The following PDE6A variants were observed in gnomAD, a reference collection of about 807,000 sequenced individuals.
PDE6A encodes rod cGMP-specific 3',5'-cyclic phosphodiesterase subunit alpha.
A neutral mutation model predicts 106.3 loss-of-function variants in PDE6A; 84 were observed. That is an observed-to-expected ratio of 0.79 (90% confidence interval 0.66 to 0.95). The LOEUF is 0.95. PDE6A is among the 40% of genes least tolerant of loss of function. PDE6A has a pLI of 0.00. For missense variants in PDE6A, 1,052 were observed against 1,084.9 expected, an observed-to-expected ratio of 0.97 and a Z score of 0.43; for synonymous variants, 394 against 386.6, an observed-to-expected ratio of 1.02 and a Z score of -0.23.
At chr5:149,938,955 C>G (rs1369355183) in intron 1 of PDE6A, among the ~76,000 whole-genome samples, 1 of 152,154 alleles carries the variant, frequency 6.6e-6, no homozygotes, top group Non-Finnish European at 1.5e-5. Context: ...TTGAGAGTAT[C>G]ACTTTTTGGT....
At chr5:149,898,595 G>A in intron 9 of PDE6A, 89 bp from the exon 10 acceptor site, 1 of 1,360,256 alleles carries the variant, frequency 7.4e-7, no homozygotes, top group Non-Finnish European at 1.0e-6. Flanking sequence ...CTAGGCCTCT[G>A]TTTTCTCAGC....
At chr5:149,870,877 GAGAA>G (rs10535051) in intron 17 of PDE6A, among the ~76,000 whole-genome samples, 4,615 of 132,914 alleles carry the variant, frequency 0.035, 99 homozygotes, top group Admixed American at 0.057. Flanking sequence ...GAGAAAGAAA[GAGAA>G]AGAAAGAAAA....
rs779341814 is a variant in PDE6A at position 149,899,421 on chromosome 5, C to T, written c.1217G>A (p.Arg406His). The T allele has an allele frequency of 7.4e-6, 12 of 1,614,018 alleles. No homozygotes were observed. The highest frequency in any genetic ancestry group is 4.5e-5 in the East Asian group (2 of 44,900). The change falls in exon 9 of 22, where the codon CGT (arginine) becomes CAT (histidine). Residue 406 changes from arginine (R) to histidine (H), a missense_variant. Physicochemically the swap from Arg to His is conservative, Grantham distance 29. Around this residue, in one of 3 missense-constraint regions of PDE6A, gnomAD observed 913 missense variants for 915.2 expected, o/e 1.00. Transcript: ENST00000255266. ...EIVGVATFYN[R>H]KDGKPFDEMD... Reference sequence around the variant, plus strand: ...TTCATCAAAGGGCTTCCCATCTTTACGATTGTAAAATGTGGCCACTCCAAC... The same window carrying T: ...TTCATCAAAGGGCTTCCCATCTTTATGATTGTAAAATGTGGCCACTCCAAC...
At position 149,911,842 on chromosome 5, in the gene PDE6A, CAAAAAAAA is replaced by C. The variant is rs11430549; in HGVS notation, c.998+3093_998+3100del. Among the ~76,000 whole-genome samples the C allele has an allele frequency of 2.6e-3, 174 of 66,100 alleles. 2 individuals carry two copies. The highest frequency in any genetic ancestry group is 9.2e-3 in the African/African-American group (163 of 17,736). The allele number at this position is 66,100 out of a possible 152,430, so 43.4% of individuals were successfully genotyped here. ...CATGGTGAGACCCCATCTCTATTAC[CAAAAAAAA>C]AAAAAAAAAAAAAAAATTATTGGCC... On this transcript the variant is annotated intron_variant, in intron 6 of 21. Coordinates refer to ENST00000255266, the MANE Select transcript of PDE6A (RefSeq NM_000440.3).
In PDE6A at chr5:149,860,365, T is replaced by A. The variant is rs552132790; in HGVS notation, c.*530A>T. 6.6e-6 allele frequency: 1 copy of A among 152,558 alleles called. No individual in the cohort carries two copies. Among genetic ancestry groups the A allele is most frequent in the Admixed American group, 6.5e-5 (1 of 15,334 alleles). 9.5% of individuals were successfully genotyped at this position (152,558 alleles called of 1,614,324 possible). A position where few individuals can be genotyped will look rare whatever the true frequency, so the allele number is the denominator to read the frequency against. ...ATGATTGAAAATTTTTACAATACAT[T>A]AACTGAAAGTATAAGAACAAAAATG... On this transcript the variant is annotated 3_prime_UTR_variant, in exon 22 of 22. Transcript: ENST00000255266.
chr5:149,941,991 A>C (rs958658343), intron 1 of PDE6A, among the ~76,000 whole-genome samples: 1 of 150,818 alleles, frequency 6.6e-6, no homozygotes, highest in African/African-American at 2.4e-5. Flanking sequence ...TGACAGGGTC[A>C]CACTCTGGCA....
chr5:149,917,648 T>C (rs1753595265), intron 5 of PDE6A, among the ~76,000 whole-genome samples: 1 of 152,016 alleles, frequency 6.6e-6, no homozygotes, highest in South Asian at 2.1e-4. Context: ...CTCCCTAAAA[T>C]AGGAAGCATC....
chr5:149,932,710 A>C (rs1383797525), intron 3 of PDE6A: 4 of 1,534,692 alleles, frequency 2.6e-6, no homozygotes, highest in Non-Finnish European at 3.6e-6. Flanking sequence ...CACTCACCAA[A>C]TGTGTACCAA....
At chr5:149,928,296 G>A (rs1487257811) in intron 4 of PDE6A, among the ~76,000 whole-genome samples, 3 of 135,370 alleles carry the variant, frequency 2.2e-5, no homozygotes, top group East Asian at 4.2e-4. Flanking sequence ...TGCAGTGAGT[G>A]GCACAATCTC....
intron 4 of PDE6A, among the ~76,000 whole-genome samples, chr5:149,924,332 T>C (rs895252607): frequency 6.6e-6 from 1 of 152,050 alleles, no homozygotes; most frequent in African/African-American, 2.4e-5. Context: ...CTCCAAAGAT[T>C]GTCCCAAGGA....
chr5:149,858,069 G>A lies in PDE6A; in HGVS notation c.*2826C>T, dbSNP rs965859377. ...AAAACTGACTCTGTTTCTGCAAGGT[G>A]ATGACAATGGAAAAAAGGAAGGAGT... On this transcript the variant is annotated 3_prime_UTR_variant, in exon 22 of 22. Transcript: ENST00000255266. 6.6e-6 allele frequency: 1 copy of A among 152,204 alleles called. No individual in the cohort carries two copies. Among genetic ancestry groups the A allele is most frequent in the East Asian group, 1.9e-4 (1 of 5,190 alleles). The allele number at this position is 152,204 out of a possible 1,614,324, so 9.4% of individuals were successfully genotyped here.
In PDE6A at chr5:149,895,176, G is replaced by A. The variant is rs200781025; in HGVS notation, c.1728+7C>T. On this transcript the variant is annotated splice_region_variant and intron_variant, in intron 13 of 21. Coordinates refer to ENST00000255266, the MANE Select transcript of PDE6A (RefSeq NM_000440.3). ...CCACCCTACCAGCCCCACCGGCCCC[G>A]CCATACCACCAGCAGGGAGAACATG... 2.3e-5 allele frequency: 36 copies of A among 1,598,408 alleles called. No homozygotes were observed. The highest frequency in any genetic ancestry group is 1.7e-4 in the South Asian group (15 of 90,778).
At chr5:149,893,328 G>A (rs1328512443) in intron 13 of PDE6A, among the ~76,000 whole-genome samples, 1 of 152,168 alleles carries the variant, frequency 6.6e-6, no homozygotes, top group African/African-American at 2.4e-5. Context: ...GTATACACCT[G>A]TTGGACTCCT....
chr5:149,912,286 T>C (rs1753413009), intron 6 of PDE6A, among the ~76,000 whole-genome samples: 2 of 152,216 alleles, frequency 1.3e-5, no homozygotes, highest in East Asian at 1.9e-4. Context: ...CCAACATCTA[T>C]GTTCTTCCTG....
chr5:149,922,718 AAT>A (rs574193936), intron 4 of PDE6A, among the ~76,000 whole-genome samples: 42 of 152,328 alleles, frequency 2.8e-4, no homozygotes, highest in Admixed American at 5.2e-4. Flanking sequence ...ATCAGGAAAA[AAT>A]ATTTTTCACA....
At chr5:149,904,201 C>T (rs537684419) in intron 7 of PDE6A, among the ~76,000 whole-genome samples, 26 of 152,278 alleles carry the variant, frequency 1.7e-4, no homozygotes, top group Non-Finnish European at 3.2e-4. Flanking sequence ...GAGCCGAGAT[C>T]GTGCCACTGC....
intron 14 of PDE6A, 150 bp downstream of exon 14, chr5:149,886,115 T>G: frequency 2.9e-6 from 2 of 698,616 alleles, no homozygotes; most frequent in Non-Finnish European, 5.2e-6. Context: ...TTCTGCCTGC[T>G]ACAGGAGGAG....
At chr5:149,911,190 T>C (rs115341407) in intron 6 of PDE6A, among the ~76,000 whole-genome samples, 3,587 of 152,200 alleles carry the variant, frequency 0.024, 116 homozygotes, top group African/African-American at 0.081. Context: ...AACAAGCCAG[T>C]TTCAATTGGC....
intron 17 of PDE6A, among the ~76,000 whole-genome samples, chr5:149,880,053 A>G (rs1760870485): frequency 6.6e-6 from 1 of 152,190 alleles, no homozygotes; most frequent in African/African-American, 2.4e-5. Flanking sequence ...CCTAGGACAG[A>G]ACTGCCTTTA....
Sources: gnomAD v4.1 joint callset for allele counts (sites outside exome capture counted in the v4.1 genomes callset) on GRCh38, gnomAD v4.1.1 for gene constraint, gnomAD v4.1.1 regional missense constraint, MANE v1.5 for transcripts, NCBI Gene and HGNC (gene_info 2026-07-23, HGNC 2026-07-21) for gene names.